CD2AP: variants seen among roughly 807,000 people sequenced by gnomAD.
The protein encoded by CD2AP is CD2-associated protein.
A neutral mutation model predicts 85.1 loss-of-function variants in CD2AP; 46 were observed. That is an observed-to-expected ratio of 0.54 (90% CI 0.43 to 0.69). The LOEUF is 0.69. Among genes scored for constraint, CD2AP ranks in the 30% least tolerant of loss-of-function variants. The probability of loss-of-function intolerance (pLI) is 0.00; values close to 1 mark genes in which losing one functional copy is unlikely to be tolerated. For synonymous variants in CD2AP, 255 were observed against 252.9 expected, an observed-to-expected ratio of 1.01 and a Z score of -0.08; for missense variants, 769 against 729.5, an observed-to-expected ratio of 1.05 and a Z score of -0.62.
intron 5 of CD2AP, among the ~76,000 whole-genome samples, chr6:47,569,742 C>T (rs375268111): frequency 1.1e-4 from 17 of 152,146 alleles, no homozygotes; most frequent in African/African-American, 3.6e-4. Flanking sequence ...TTGTATACCT[C>T]GTGTGCCAAA....
chr6:47,581,750 A>T (rs376802543), intron 10 of CD2AP, among the ~76,000 whole-genome samples: 41 of 152,316 alleles, frequency 2.7e-4, no homozygotes, highest in African/African-American at 9.9e-4. Context: ...GCTCTTCCAT[A>T]CTGCAGTACG....
intron 6 of CD2AP, 72 bp from the exon 7 acceptor site, chr6:47,576,452 A>G: frequency 2.9e-6 from 3 of 1,040,288 alleles, no homozygotes; most frequent in Non-Finnish European, 3.0e-6. Context: ...GTAACTGTAA[A>G]TGGAAACTTT....
intron 1 of CD2AP, among the ~76,000 whole-genome samples, chr6:47,500,328 T>G (rs1053124941): frequency 6.6e-6 from 1 of 152,198 alleles, no homozygotes; most frequent in African/African-American, 2.4e-5. Flanking sequence ...TTTTCTGAAT[T>G]TCTGGTCTTT....
intron 2 of CD2AP, among the ~76,000 whole-genome samples, chr6:47,522,324 A>G (rs1766619340): frequency 6.6e-6 from 1 of 152,212 alleles, no homozygotes; most frequent in Admixed American, 6.5e-5. Flanking sequence ...GCAGGACAGT[A>G]TTTGTTGATA....
intron 9 of CD2AP, among the ~76,000 whole-genome samples, chr6:47,580,267 T>C (rs1315497775): frequency 6.6e-6 from 1 of 152,212 alleles, no homozygotes; most frequent in Non-Finnish European, 1.5e-5. Flanking sequence ...TATTCTTAAT[T>C]TGTAAAAACC....
intron 2 of CD2AP, among the ~76,000 whole-genome samples, chr6:47,522,190 G>A (rs1766615787): frequency 6.6e-6 from 1 of 152,168 alleles, no homozygotes; most frequent in Admixed American, 6.6e-5. Flanking sequence ...GGTGCATTTG[G>A]TAGTGAATTT....
intron 17 of CD2AP, among the ~76,000 whole-genome samples, chr6:47,623,900 T>C (rs1411558039): frequency 6.6e-6 from 1 of 152,196 alleles, no homozygotes; most frequent in Admixed American, 6.5e-5. Flanking sequence ...TTTGTAGGAC[T>C]GACTGATTTT....
chr6:47,485,565 T>G, intron 1 of CD2AP, among the ~76,000 whole-genome samples: 1 of 130,756 alleles, frequency 7.6e-6, no homozygotes, highest in Non-Finnish European at 1.8e-5. Flanking sequence ...TGAAAGAAAA[T>G]TAGAAAGAAA....
chr6:47,612,707 G>A (rs1322034230), intron 17 of CD2AP, among the ~76,000 whole-genome samples, 171 bp downstream of exon 17: 1 of 152,068 alleles, frequency 6.6e-6, no homozygotes, highest in Non-Finnish European at 1.5e-5. Context: ...CCTGTCATTT[G>A]CAACAACATG....
At chr6:47,585,068 C>T (rs1471645666) in intron 11 of CD2AP, among the ~76,000 whole-genome samples, 7 of 151,202 alleles carry the variant, frequency 4.6e-5, no homozygotes, top group East Asian at 1.9e-4. Flanking sequence ...CCGAGGTGGG[C>T]GGATCATGAG....
chr6:47,520,839 T>C (rs988482854), intron 2 of CD2AP, among the ~76,000 whole-genome samples: 1 of 150,812 alleles, frequency 6.6e-6, no homozygotes, highest in East Asian at 2.0e-4. Flanking sequence ...GTCATTTGGC[T>C]AGGGCTAACA....
chr6:47,511,490 TAC>T (rs1766312696), intron 2 of CD2AP, among the ~76,000 whole-genome samples: 1 of 152,248 alleles, frequency 6.6e-6, no homozygotes, highest in African/African-American at 2.4e-5. Flanking sequence ...TAAATCCATA[TAC>T]AGTTAGTAGT....
intron 3 of CD2AP, among the ~76,000 whole-genome samples, chr6:47,543,005 G>T (rs1022812272): frequency 4.6e-5 from 7 of 151,908 alleles, no homozygotes; most frequent in Admixed American, 2.6e-4. Context: ...ACAAAAATTA[G>T]CTGGGCGTGG....
Position 47,624,921 on chromosome 6 carries a change from T to C in CD2AP, c.*694T>C, listed in dbSNP as rs538944816. The C allele has an allele frequency of 6.6e-6, 1 of 152,058 alleles. No homozygotes were observed. The highest frequency in any genetic ancestry group is 2.4e-5 in the African/African-American group (1 of 41,514). 9.4% of individuals were successfully genotyped at this position (152,058 alleles called of 1,614,324 possible). A position where few individuals can be genotyped will look rare whatever the true frequency, so the allele number is the denominator to read the frequency against. ...CATCAACTTTTAGAATATTTTATGT[T>C]GCTTGCACTATAGGAGTCATAAAAG... On this transcript the variant is annotated 3_prime_UTR_variant, in exon 18 of 18. Coordinates refer to ENST00000359314, the MANE Select transcript of CD2AP (RefSeq NM_012120.3).
At chr6:47,486,645 GC>G (rs1765573340) in intron 1 of CD2AP, among the ~76,000 whole-genome samples, 1 of 152,106 alleles carries the variant, frequency 6.6e-6, no homozygotes, top group South Asian at 2.1e-4. Context: ...CTTCTCTTGA[GC>G]TGATCCTTTC....
At chr6:47,513,900 G>C (rs1361863658) in intron 2 of CD2AP, among the ~76,000 whole-genome samples, 2 of 145,928 alleles carry the variant, frequency 1.4e-5, no homozygotes, top group Non-Finnish European at 3.0e-5. Context: ...TTTGGGGGGG[G>C]GGCTAGCCTT....
At chr6:47,576,053 G>A (rs952251428) in intron 6 of CD2AP, among the ~76,000 whole-genome samples, 5 of 152,090 alleles carry the variant, frequency 3.3e-5, no homozygotes, top group African/African-American at 9.7e-5. Flanking sequence ...CTCAAGTGCT[G>A]TTGTTTTTAT....
At position 47,503,422 on chromosome 6, in the gene CD2AP, C is replaced by T. The variant is rs1372888265; in HGVS notation, c.147C>T (p.Phe49=). 2 of 1,613,566 alleles carry T rather than the reference C, an allele frequency of 1.2e-6. No homozygotes were observed. The highest frequency in any genetic ancestry group is 1.7e-5 in the Admixed American group (1 of 59,996). ...EGELNGRRGM[F]PDNFVKEIKR... ...AACTAAATGGGAGAAGAGGAATGTT[C>T]CCTGACAATTTCGTTAAGGTAAGTA... Residue 49 remains phenylalanine, a synonymous_variant, in exon 2 of 18, where the codon TTC becomes TTT. Transcript: ENST00000359314.
chr6:47,514,343 A>T lies in CD2AP; in HGVS notation c.165+10903A>T, dbSNP rs9369707. Among the ~76,000 whole-genome samples, 1,151 of 152,290 alleles carry T rather than the reference A, an allele frequency of 7.6e-3. 42 individuals carry two copies. The highest frequency in any genetic ancestry group is 0.047 in the Admixed American group (721 of 15,304). On this transcript the variant is annotated intron_variant, in intron 2 of 17. Coordinates refer to ENST00000359314, the MANE Select transcript of CD2AP (RefSeq NM_012120.3). ...ATAAACTATACCTCATTAATTTGTT[A>T]TGTTTAAGAAGTAAGCTAAAACTGA... is the stretch of plus-strand genomic sequence containing the variant.
Sources: allele counts gnomAD v4.1 joint callset (sites outside exome capture counted in the v4.1 genomes callset), GRCh38; gene constraint gnomAD v4.1.1; transcripts MANE v1.5; gene names NCBI Gene and HGNC (gene_info 2026-07-23, HGNC 2026-07-21).